NUP155: variants seen among roughly 807,000 people sequenced by gnomAD.
The protein encoded by NUP155 is nuclear pore complex protein Nup155.
NUP155 carries 71 observed loss-of-function variants against 180.4 expected under a neutral mutation model. That is an observed-to-expected ratio of 0.39 (90% CI 0.33 to 0.48). The LOEUF is 0.48. NUP155 is among the 20% of genes least tolerant of loss of function. The pLI is 0.91. For synonymous variants in NUP155, 582 were observed against 559.5 expected (o/e 1.04, Z -0.57); for missense variants, 1,553 against 1,648.9 (o/e 0.94, Z 1.01).
chr5:37,329,047 G>T, intron 16 of NUP155, 143 bp downstream of exon 16: 1 of 670,852 alleles, frequency 1.5e-6, no homozygotes, highest in Non-Finnish European at 2.6e-6. Context: ...TCACTTTTAA[G>T]AATCAGAATC....
chr5:37,323,516 T>A (rs1249270759), intron 20 of NUP155, among the ~76,000 whole-genome samples: 1 of 151,972 alleles, frequency 6.6e-6, no homozygotes, highest in Non-Finnish European at 1.5e-5. Context: ...AGATTCCATG[T>A]ATATAAATAT....
intron 3 of NUP155, among the ~76,000 whole-genome samples, chr5:37,360,993 G>A (rs1415934969): frequency 6.6e-6 from 1 of 152,088 alleles, no homozygotes; most frequent in Non-Finnish European, 1.5e-5. Flanking sequence ...GCTGGGCTGG[G>A]TGCGGTGGCT....
At chr5:37,292,856 T>C in intron 34 of NUP155, 23 bp downstream of exon 34, 1 of 1,464,248 alleles carries the variant, frequency 6.8e-7, no homozygotes, top group Non-Finnish European at 9.6e-7. Flanking sequence ...CTTTTGCTGA[T>C]CCAATATTTA....
In NUP155 at chr5:37,329,236, C is replaced by A; in HGVS notation, c.1767G>T (p.Pro589=). 6.2e-7 allele frequency: 1 copy of A among 1,613,878 alleles called. No homozygotes were observed. Among genetic ancestry groups the A allele is most frequent in the Non-Finnish European group, 8.5e-7 (1 of 1,179,872 alleles). ...AGATGGGACCAACATTACTTGGAGG[C>A]GGAAGAGTGGTTGGAAATCTCATCT... ...EAQMRFPTTL[P]PPSNVGPILG... The change falls in exon 16 of 35, where the codon CCG becomes CCT. Residue 589 remains proline, a synonymous_variant. Coordinates refer to ENST00000231498, the MANE Select transcript of NUP155 (RefSeq NM_153485.3).
intron 27 of NUP155, 80 bp from the exon 28 acceptor site, chr5:37,303,494 T>A (rs1742976889): frequency 8.5e-6 from 10 of 1,172,518 alleles, no homozygotes; most frequent in Non-Finnish European, 1.2e-5. Flanking sequence ...ATAGTATTTT[T>A]AAGTCAACTA....
At chr5:37,359,714 G>GA (rs1747073581) in intron 3 of NUP155, among the ~76,000 whole-genome samples, 2 of 151,310 alleles carry the variant, frequency 1.3e-5, no homozygotes, top group South Asian at 2.1e-4. Flanking sequence ...AAAATAACAA[G>GA]AAAAAAAACC....
At chr5:37,335,453 T>C (rs907939237) in intron 12 of NUP155, among the ~76,000 whole-genome samples, 2 of 151,916 alleles carry the variant, frequency 1.3e-5, no homozygotes, top group African/African-American at 4.8e-5. Flanking sequence ...GCCAAAAATG[T>C]TGAATATACA....
chr5:37,370,746 G>A (rs926795071), intron 1 of NUP155, 75 bp downstream of exon 1: 12 of 1,612,824 alleles, frequency 7.4e-6, no homozygotes, highest in South Asian at 5.5e-5. Context: ...CGGGACCAAC[G>A]CTGGGGATAA....
chr5:37,349,117 C>G (rs568686481), intron 8 of NUP155, 55 bp downstream of exon 8: 1 of 423,422 alleles, frequency 2.4e-6, no homozygotes, highest in Admixed American at 4.3e-5. Flanking sequence ...GAATTGTCTT[C>G]CTTAAAAATA....
chr5:37,351,192 G>T lies in NUP155; in HGVS notation c.721C>A (p.Gln241Lys). Residue 241 changes from glutamine (Q) to lysine (K), a missense_variant and splice_region_variant, in exon 6 of 35, where the codon CAG (glutamine) becomes AAG (lysine). Physicochemically the swap from Gln to Lys is moderately conservative, Grantham distance 53. Transcript: ENST00000231498. ...ACGTTTACAAATGTCAGACTTACCT[G>T]GTAGGCTACTTCATATAAACAGCCA... ...KDGCLYEVAY[Q>K]AEAGWFSQRC... 6.2e-7 allele frequency: 1 copy of T among 1,613,192 alleles called. No homozygotes were observed. The highest frequency in any genetic ancestry group is 8.5e-7 in the Non-Finnish European group (1 of 1,179,430).
chr5:37,309,077 T>C (rs1480945362), intron 24 of NUP155, 52 bp downstream of exon 24: 3 of 1,584,812 alleles, frequency 1.9e-6, no homozygotes, highest in Non-Finnish European at 2.6e-6. Flanking sequence ...TCATACACTA[T>C]TGTTTGTCTT....
At chr5:37,311,352 T>C (rs1203261466) in intron 22 of NUP155, among the ~76,000 whole-genome samples, 1 of 152,160 alleles carries the variant, frequency 6.6e-6, no homozygotes, top group Admixed American at 6.6e-5. Flanking sequence ...GCTTTGAAGA[T>C]GGATCACAAA....
intron 9 of NUP155, among the ~76,000 whole-genome samples, chr5:37,345,815 C>T (rs1364093716): frequency 2.0e-5 from 3 of 148,978 alleles, no homozygotes; most frequent in African/African-American, 7.4e-5. Flanking sequence ...GAGGCAGGAG[C>T]ATTGCTTGAA....
chr5:37,318,227 G>T, intron 20 of NUP155, 142 bp from the exon 21 acceptor site: 2 of 662,308 alleles, frequency 3.0e-6, no homozygotes, highest in Admixed American at 4.5e-5. Flanking sequence ...AGGGCTGATG[G>T]CCAGAAAAAA....
chr5:37,360,202 G>A (rs756318281), intron 3 of NUP155, among the ~76,000 whole-genome samples: 28 of 152,286 alleles, frequency 1.8e-4, no homozygotes, highest in Admixed American at 3.3e-4. Flanking sequence ...AGTCAGCGAG[G>A]CTGGGTGTGG....
chr5:37,302,547 C>T (rs865913589), intron 29 of NUP155, among the ~76,000 whole-genome samples: 6 of 152,158 alleles, frequency 3.9e-5, no homozygotes, highest in African/African-American at 7.2e-5. Context: ...AAAAACCTTT[C>T]GAAGTGCCAA....
rs749225138 is a variant in NUP155 at position 37,364,032 on chromosome 5, TTTAAC to T, written c.296-53_296-49del. On this transcript the variant is annotated intron_variant, in intron 2 of 34. Transcript: ENST00000231498. ...CAGACAGAGGTGAATCTTATTCTTC[TTTAAC>T]TTGTTTCAATAGCTTTTGACTTAAT... 1.8e-5 allele frequency: 25 copies of T among 1,392,746 alleles called. No individual in the cohort carries two copies. In the East Asian group the frequency reaches 4.8e-4, roughly 27 times the overall value. 86.3% of individuals were successfully genotyped at this position (1,392,746 alleles called of 1,614,324 possible). A position where few individuals can be genotyped will look rare whatever the true frequency, so the allele number is the denominator to read the frequency against.
chr5:37,295,198 C>T (rs943320215), intron 32 of NUP155, among the ~76,000 whole-genome samples: 28 of 151,970 alleles, frequency 1.8e-4, no homozygotes, highest in Non-Finnish European at 2.4e-4. Context: ...AGGTGCGCGC[C>T]GCCACGCCTG....
intron 16 of NUP155, 62 bp downstream of exon 16, chr5:37,329,128 G>A (rs1019053056): frequency 1.4e-4 from 164 of 1,180,474 alleles, no homozygotes; most frequent in Non-Finnish European, 6.2e-5. Context: ...GATAAAAATT[G>A]CTATAAAGGT....
Sources: allele counts gnomAD v4.1 joint callset (sites outside exome capture counted in the v4.1 genomes callset), GRCh38; gene constraint gnomAD v4.1.1; transcripts MANE v1.5; gene names NCBI Gene and HGNC (gene_info 2026-07-23, HGNC 2026-07-21).